The following NFIA variants were observed in gnomAD, a reference collection of about 807,000 sequenced individuals.
The protein encoded by NFIA is nuclear factor 1 A-type.
A neutral mutation model predicts 62.8 loss-of-function variants in NFIA; 8 were observed. The observed-to-expected ratio is 0.13, with a 90% CI of 0.07 to 0.23. The LOEUF (loss-of-function observed/expected upper bound fraction) is 0.23. NFIA is among the 10% of genes least tolerant of loss of function. The pLI is 1.00. For synonymous variants in NFIA, 235 were observed against 238.1 expected (o/e 0.99, Z 0.12); for missense variants, 410 against 642.1 (o/e 0.64, Z 3.91).
chr1:61,313,763 TG>T (rs1660232639), intron 3 of NFIA, among the ~76,000 whole-genome samples: 1 of 152,206 alleles, frequency 6.6e-6, no homozygotes, highest in Non-Finnish European at 1.5e-5. Flanking sequence ...ATTACAATAA[TG>T]GTTATAATCC....
At chr1:61,171,656 G>C (rs542436058) in intron 2 of NFIA, among the ~76,000 whole-genome samples, 1 of 152,168 alleles carries the variant, frequency 6.6e-6, no homozygotes, top group African/African-American at 2.4e-5. Context: ...ATCTGAGGAC[G>C]AATAAGAGAA....
At chr1:61,267,027 C>A (rs1657216417) in intron 2 of NFIA, among the ~76,000 whole-genome samples, 1 of 152,090 alleles carries the variant, frequency 6.6e-6, no homozygotes, top group Non-Finnish European at 1.5e-5. Flanking sequence ...ATATAAATAG[C>A]CAAGAAGGGA....
chr1:61,364,843 A>T (rs949214129), intron 6 of NFIA, among the ~76,000 whole-genome samples: 1 of 152,104 alleles, frequency 6.6e-6, no homozygotes, highest in Non-Finnish European at 1.5e-5. Flanking sequence ...GAGCACCCAT[A>T]TGAGACACTT....
intron 2 of NFIA, among the ~76,000 whole-genome samples, chr1:61,242,873 G>T (rs928694157): frequency 1.3e-5 from 2 of 152,078 alleles, no homozygotes; most frequent in African/African-American, 4.8e-5. Context: ...ACTATAGAGC[G>T]ATATAGTTTA....
chr1:61,322,355 A>G (rs559353847), intron 3 of NFIA, among the ~76,000 whole-genome samples: 1 of 152,100 alleles, frequency 6.6e-6, no homozygotes, highest in Non-Finnish European at 1.5e-5. Flanking sequence ...ATTGAAATCT[A>G]TTTTTCTTTC....
At chr1:61,113,184 C>G (rs1262240226) in intron 2 of NFIA, among the ~76,000 whole-genome samples, 1 of 151,892 alleles carries the variant, frequency 6.6e-6, no homozygotes, top group Non-Finnish European at 1.5e-5. Context: ...TCTTAATTCA[C>G]AGGTTTGTAT....
intron 3 of NFIA, among the ~76,000 whole-genome samples, chr1:61,296,231 T>G (rs1302787259): frequency 6.6e-6 from 1 of 152,224 alleles, no homozygotes; most frequent in Admixed American, 6.5e-5. Context: ...AGAATACACT[T>G]AAGAAATCTT....
chr1:61,287,823 C>T (rs765700188), intron 3 of NFIA, among the ~76,000 whole-genome samples: 5 of 152,140 alleles, frequency 3.3e-5, no homozygotes, highest in Non-Finnish European at 5.9e-5. Context: ...TCCACATATT[C>T]CTGTGGAGGT....
At chr1:61,257,072 A>G (rs951611533) in intron 2 of NFIA, among the ~76,000 whole-genome samples, 4 of 152,092 alleles carry the variant, frequency 2.6e-5, no homozygotes, top group African/African-American at 9.7e-5. Context: ...AAATTCGCAA[A>G]TAATTAGTTT....
chr1:61,229,107 A>C (rs1570417894), intron 2 of NFIA, among the ~76,000 whole-genome samples: 1 of 152,040 alleles, frequency 6.6e-6, no homozygotes. Flanking sequence ...TGTCTGAAGT[A>C]AGTCATGAAT....
chr1:61,445,538 T>A (rs1667769900), intron 10 of NFIA, among the ~76,000 whole-genome samples: 1 of 152,228 alleles, frequency 6.6e-6, no homozygotes, highest in Non-Finnish European at 1.5e-5. Context: ...GCAAGTCACG[T>A]CTTAACAAAG....
chr1:61,206,973 A>G (rs1652937486), intron 2 of NFIA, among the ~76,000 whole-genome samples: 2 of 152,124 alleles, frequency 1.3e-5, no homozygotes. Flanking sequence ...ATATCTTTCG[A>G]TGTATGTCTA....
rs993590006 is a variant in NFIA, at chr1:61,461,192, G to A, written c.*5872G>A. ...CCTTGACCCTTGACTGATGCTATGC[G>A]GAGACTGATACATTTTCTTAATGGA... On this transcript the variant is annotated 3_prime_UTR_variant, in exon 11 of 11. Coordinates refer to ENST00000403491, the MANE Select transcript of NFIA (RefSeq NM_001134673.4). 5.3e-5 allele frequency: 8 copies of A among 152,116 alleles called. No homozygotes were observed. The East Asian group carries it at 1.2e-3, about 22-fold the overall frequency. 9.4% of individuals were successfully genotyped at this position (152,116 alleles called of 1,614,324 possible). A position where few individuals can be genotyped will look rare whatever the true frequency, so the allele number is the denominator to read the frequency against.
chr1:61,134,157 T>G (rs184022554), intron 2 of NFIA, among the ~76,000 whole-genome samples: 1 of 151,974 alleles, frequency 6.6e-6, no homozygotes, highest in East Asian at 1.9e-4. Flanking sequence ...CTCCTTGCCT[T>G]TTGTGGGTTT....
intron 4 of NFIA, among the ~76,000 whole-genome samples, chr1:61,344,502 G>A (rs537931902): frequency 6.6e-6 from 1 of 152,212 alleles, no homozygotes; most frequent in South Asian, 2.1e-4. Flanking sequence ...AATTGAGTTG[G>A]GTTACTTATT....
intron 9 of NFIA, among the ~76,000 whole-genome samples, chr1:61,414,512 A>G (rs1666265704): frequency 6.7e-6 from 1 of 149,918 alleles, no homozygotes; most frequent in African/African-American, 2.4e-5. Flanking sequence ...TTTAGCCCAA[A>G]GCTTCTTGGT....
chr1:61,267,100 T>C (rs1291538235), intron 2 of NFIA, among the ~76,000 whole-genome samples: 1 of 152,206 alleles, frequency 6.6e-6, no homozygotes, highest in Non-Finnish European at 1.5e-5. Context: ...TAGCTACTTC[T>C]GGTAGAACTG....
chr1:61,277,234 C>G (rs1231946075), intron 2 of NFIA, among the ~76,000 whole-genome samples: 1 of 152,206 alleles, frequency 6.6e-6, no homozygotes, highest in Admixed American at 6.5e-5. Flanking sequence ...GAAATGGTCT[C>G]TCTAAGAGAA....
intron 2 of NFIA, among the ~76,000 whole-genome samples, chr1:61,262,186 G>A (rs1386919465): frequency 6.6e-6 from 1 of 152,116 alleles, no homozygotes; most frequent in Non-Finnish European, 1.5e-5. Context: ...AGTGATTTAT[G>A]AAAAGCAATG....
Sources: allele counts gnomAD v4.1 joint callset (sites outside exome capture counted in the v4.1 genomes callset), GRCh38; gene constraint gnomAD v4.1.1; transcripts MANE v1.5; gene names NCBI Gene and HGNC (gene_info 2026-07-23, HGNC 2026-07-21).